Variants in PTPRD observed in about 807,000 individuals in gnomAD.
PTPRD encodes the protein receptor-type tyrosine-protein phosphatase delta.
A neutral mutation model predicts 214.5 loss-of-function variants in PTPRD; 34 were observed. That is an observed-to-expected ratio of 0.16 (90% CI 0.12 to 0.21). The LOEUF is 0.21. PTPRD is among the 10% of genes least tolerant of loss of function. The probability of loss-of-function intolerance (pLI) is 1.00; values close to 1 mark genes in which losing one functional copy is unlikely to be tolerated. For synonymous variants in PTPRD, 1,128 were observed against 845.7 expected, an observed-to-expected ratio of 1.33 and a Z score of -5.79; for missense variants, 2,545 against 2,398.7, an observed-to-expected ratio of 1.06 and a Z score of -1.27.
chr9:10,361,043 A>T (rs1000434598), intron 2 of PTPRD, among the ~76,000 whole-genome samples: 2 of 152,164 alleles, frequency 1.3e-5, no homozygotes, highest in Non-Finnish European at 2.9e-5. Flanking sequence ...CGGAGCTTGT[A>T]GTGAGCCGAG....
intron 11 of PTPRD, among the ~76,000 whole-genome samples, chr9:8,946,690 T>A (rs889588998): frequency 1.3e-5 from 2 of 152,106 alleles, no homozygotes; most frequent in Non-Finnish European, 2.9e-5. Context: ...TCTTTTATCT[T>A]CCTTTAGAGT....
intron 37 of PTPRD, among the ~76,000 whole-genome samples, chr9:8,384,407 GA>G (rs984949819): frequency 2.0e-5 from 3 of 151,572 alleles, no homozygotes; most frequent in East Asian, 1.9e-4. Flanking sequence ...GGAAACTAGG[GA>G]AAAAAAACCA....
intron 5 of PTPRD, among the ~76,000 whole-genome samples, chr9:9,777,353 A>ACC (rs1555042717): frequency 5.5e-4 from 80 of 146,388 alleles, no homozygotes; most frequent in African/African-American, 1.9e-3. Flanking sequence ...ACACACACAC[A>ACC]CCCCTAAATG....
chr9:9,985,756 AAC>A (rs1470231694), intron 4 of PTPRD, among the ~76,000 whole-genome samples: 4 of 151,970 alleles, frequency 2.6e-5, no homozygotes, highest in East Asian at 1.9e-4. Flanking sequence ...CATTTATAAT[AAC>A]AGTTTTTTGA....
chr9:10,424,313 TTCTCTC>T (rs35994999), intron 2 of PTPRD, among the ~76,000 whole-genome samples: 19 of 145,586 alleles, frequency 1.3e-4, no homozygotes, highest in South Asian at 6.7e-4. Flanking sequence ...TGGTTTCCTT[TTCTCTC>T]TCTCTCTCTC....
chr9:8,339,476 A>T (rs554752373), intron 42 of PTPRD, among the ~76,000 whole-genome samples: 27 of 152,284 alleles, frequency 1.8e-4, no homozygotes, highest in Non-Finnish European at 7.4e-5. Flanking sequence ...GTATGGACAT[A>T]GAAAGAAACC....
At chr9:10,212,609 C>G (rs2099522432) in intron 3 of PTPRD, among the ~76,000 whole-genome samples, 1 of 152,088 alleles carries the variant, frequency 6.6e-6, no homozygotes, top group Admixed American at 6.6e-5. Context: ...TATTATCATT[C>G]AGTATCTGTG....
intron 14 of PTPRD, among the ~76,000 whole-genome samples, chr9:8,578,147 A>G (rs530046558): frequency 6.6e-6 from 1 of 152,352 alleles, no homozygotes; most frequent in East Asian, 1.9e-4. Context: ...TGAAATGTGA[A>G]GATGATCATG....
chr9:9,653,159 G>A (rs556383677), intron 7 of PTPRD, among the ~76,000 whole-genome samples: 1 of 148,630 alleles, frequency 6.7e-6, no homozygotes, highest in East Asian at 2.0e-4. Flanking sequence ...TGGCTAACAA[G>A]GTGAAACCCC....
rs558046506 is a variant in PTPRD, at chr9:10,210,245, C to A, written c.-545+130718G>T. ...CAATTACATTTAAGAGAGTAATACC[C>A]ATTTGTGAATTCCATCTCTATATAT... On this transcript the variant is annotated intron_variant, in intron 3 of 45. Transcript: ENST00000381196. Among the ~76,000 whole-genome samples, 232 of 152,152 alleles carry A rather than the reference C, an allele frequency of 1.5e-3. 1 individual carries two copies. The highest frequency in any genetic ancestry group is 0.012 in the South Asian group (56 of 4,822).
chr9:8,983,278 T>C (rs1273692696), intron 11 of PTPRD, among the ~76,000 whole-genome samples: 3 of 151,950 alleles, frequency 2.0e-5, no homozygotes, highest in African/African-American at 7.2e-5. Context: ...GAGATACAGA[T>C]GAAAATAAAA....
intron 5 of PTPRD, among the ~76,000 whole-genome samples, chr9:9,852,251 T>A (rs1470180033): frequency 6.6e-6 from 1 of 152,130 alleles, no homozygotes; most frequent in East Asian, 1.9e-4. Flanking sequence ...GAATCTTCCT[T>A]AGGGAAGAGA....
chr9:10,509,470 C>CATCAATCTATCT (rs374157020), intron 2 of PTPRD, among the ~76,000 whole-genome samples: 1 of 138,120 alleles, frequency 7.2e-6, no homozygotes. Context: ...TTGATTGATC[C>CATCAATCTATCT]ATCTATCTAT....
chr9:10,453,772 C>A (rs564983996), intron 2 of PTPRD, among the ~76,000 whole-genome samples: 2 of 151,528 alleles, frequency 1.3e-5, no homozygotes, highest in South Asian at 4.2e-4. Flanking sequence ...TCTTCCCTTC[C>A]AATGTGGATG....
chr9:8,917,304 T>C (rs1002706841), intron 11 of PTPRD, among the ~76,000 whole-genome samples: 1 of 151,160 alleles, frequency 6.6e-6, no homozygotes, highest in Admixed American at 6.6e-5. Flanking sequence ...ATTTTTTTTT[T>C]TTTTTGTATT....
chr9:8,336,628 CAAAAAAAAAA>C (rs764320816), intron 43 of PTPRD, among the ~76,000 whole-genome samples: 9 of 114,588 alleles, frequency 7.9e-5, no homozygotes, highest in South Asian at 3.0e-4. Context: ...TTCTGCAGAG[CAAAAAAAAAA>C]AAAAAAAACT....
At chr9:9,590,525 C>G (rs1373134055) in intron 7 of PTPRD, among the ~76,000 whole-genome samples, 2 of 151,836 alleles carry the variant, frequency 1.3e-5, no homozygotes, top group African/African-American at 4.8e-5. Context: ...TATTTTATGT[C>G]TTATTTTCTA....
At chr9:8,374,536 G>A (rs2082647966) in intron 39 of PTPRD, among the ~76,000 whole-genome samples, 1 of 151,984 alleles carries the variant, frequency 6.6e-6, no homozygotes, top group African/African-American at 2.4e-5. Flanking sequence ...TTGGATGTAG[G>A]GAAACAAGAA....
intron 2 of PTPRD, among the ~76,000 whole-genome samples, chr9:10,500,021 C>T (rs2043187203): frequency 6.6e-6 from 1 of 151,360 alleles, no homozygotes; most frequent in African/African-American, 2.4e-5. Flanking sequence ...AACCAAATAT[C>T]TTTATAAGAC....
Sources: gnomAD v4.1 joint callset for allele counts (sites outside exome capture counted in the v4.1 genomes callset) on GRCh38, gnomAD v4.1.1 for gene constraint, MANE v1.5 for transcripts, NCBI Gene and HGNC (gene_info 2026-07-23, HGNC 2026-07-21) for gene names.